LRIG1: variants seen among roughly 807,000 people sequenced by gnomAD.
The protein encoded by LRIG1 is leucine rich repeats and immunoglobulin like domains 1, also known as leucine-rich repeats and immunoglobulin-like domains protein 1.
In LRIG1, 48 loss-of-function variants were observed where a neutral mutation model predicts 99.2. The observed-to-expected ratio is 0.48, with a 90% CI of 0.38 to 0.62. LRIG1 has a LOEUF of 0.62. LRIG1 is among the 20% of genes least tolerant of loss of function. LRIG1 has a pLI of 0.00. For synonymous variants in LRIG1, 772 were observed against 596.1 expected (o/e 1.29, Z -4.30); for missense variants, 1,646 against 1,434.4 (o/e 1.15, Z -2.38).
chr3:66,425,703 C>T (rs1392830039), intron 3 of LRIG1, among the ~76,000 whole-genome samples: 3 of 152,060 alleles, frequency 2.0e-5, no homozygotes, highest in African/African-American at 7.3e-5. Flanking sequence ...TTATGGGGAC[C>T]GGGGGAAGTG....
chr3:66,420,644 G>A (rs1343827815), intron 3 of LRIG1, among the ~76,000 whole-genome samples: 1 of 152,250 alleles, frequency 6.6e-6, no homozygotes, highest in Non-Finnish European at 1.5e-5. Context: ...CTACTGAATG[G>A]ATGAGCATTG....
At position 66,439,594 on chromosome 3, in the gene LRIG1, C is replaced by G. The variant is rs185222619; in HGVS notation, c.365+11965G>C. Reference sequence around the variant, plus strand: ...TTTTTTTAAAAAGAGCCAAGTCTTACTTTTGAAGTTATAAAGAAAAAGGTG... The same window carrying G: ...TTTTTTTAAAAAGAGCCAAGTCTTAGTTTTGAAGTTATAAAGAAAAAGGTG... On this transcript the variant is annotated intron_variant, in intron 3 of 18. Transcript: ENST00000273261. Among the ~76,000 whole-genome samples, 401 of 151,222 alleles carry G rather than the reference C, an allele frequency of 2.7e-3. 1 individual carries two copies. Among genetic ancestry groups the G allele is most frequent in the Non-Finnish European group, 4.2e-3 (285 of 67,858 alleles).
At chr3:66,498,134 G>C (rs1040512611) in intron 1 of LRIG1, 1 of 152,132 alleles carries the variant, frequency 6.6e-6, no homozygotes, top group Non-Finnish European at 1.5e-5. Context: ...ATACTGTGTT[G>C]CTACATACTA....
At chr3:66,467,796 C>T (rs1700509211) in intron 1 of LRIG1, among the ~76,000 whole-genome samples, 1 of 152,152 alleles carries the variant, frequency 6.6e-6, no homozygotes, top group South Asian at 2.1e-4. Flanking sequence ...ACAAAATAAC[C>T]AACGAATATA....
At chr3:66,467,762 A>G (rs1700508430) in intron 1 of LRIG1, among the ~76,000 whole-genome samples, 2 of 152,262 alleles carry the variant, frequency 1.3e-5, no homozygotes, top group Admixed American at 6.5e-5. Flanking sequence ...TGAAATTTCT[A>G]TTAAACTGTG....
rs1170987032 is a variant in LRIG1 at position 66,379,491 on chromosome 3, T to TATCA, written c.*768_*771dup. The TATCA allele has an allele frequency of 6.6e-6, 1 of 152,192 alleles. No individual in the cohort carries two copies. The highest frequency in any genetic ancestry group is 2.4e-5 in the African/African-American group (1 of 41,464). 9.4% of individuals were successfully genotyped at this position (152,192 alleles called of 1,614,324 possible). A position where few individuals can be genotyped will look rare whatever the true frequency, so the allele number is the denominator to read the frequency against. The stretch of plus-strand genomic sequence containing the variant: ...ATACTGAGAAGGCCACATTTGCTTT[T>TATCA]ATCATAAAATAAGAGGAGGAGGAAA... On this transcript the variant is annotated 3_prime_UTR_variant, in exon 19 of 19. Coordinates refer to ENST00000273261, the MANE Select transcript of LRIG1 (RefSeq NM_015541.3).
intron 3 of LRIG1, among the ~76,000 whole-genome samples, chr3:66,446,562 C>T (rs1212951059): frequency 6.6e-6 from 1 of 152,022 alleles, no homozygotes; most frequent in Non-Finnish European, 1.5e-5. Flanking sequence ...CCTCCCACCA[C>T]TCCTGGCTGA....
At chr3:66,442,996 A>C (rs1048303068) in intron 3 of LRIG1, among the ~76,000 whole-genome samples, 2 of 152,132 alleles carry the variant, frequency 1.3e-5, no homozygotes, top group Admixed American at 6.5e-5. Context: ...AAAAGAGAGA[A>C]GGAAAATGAC....
chr3:66,498,797 C>G (rs989998898), intron 1 of LRIG1, among the ~76,000 whole-genome samples: 1 of 152,154 alleles, frequency 6.6e-6, no homozygotes, highest in African/African-American at 2.4e-5. Flanking sequence ...CTCTGTAGTA[C>G]TTGTTCATGG....
intron 9 of LRIG1, among the ~76,000 whole-genome samples, chr3:66,400,214 TC>T (rs958012864): frequency 6.6e-6 from 1 of 152,172 alleles, no homozygotes; most frequent in African/African-American, 2.4e-5. Flanking sequence ...AATGAGTGCC[TC>T]CTCCACCACA....
intron 1 of LRIG1, among the ~76,000 whole-genome samples, chr3:66,488,055 T>C (rs1435066556): frequency 6.6e-6 from 1 of 151,792 alleles, no homozygotes; most frequent in African/African-American, 2.4e-5. Flanking sequence ...TTTATGAAAA[T>C]TTACACGATA....
In LRIG1 at chr3:66,472,666, A is replaced by G. The variant is rs950798544; in HGVS notation, c.219-10157T>C. Among the ~76,000 whole-genome samples the G allele has an allele frequency of 6.7e-4, 102 of 152,344 alleles. 3 individuals are homozygous for G. The highest frequency in any genetic ancestry group is 2.2e-4 in the Non-Finnish European group (15 of 68,032). ...TGCCTTTCCGGCAGAAGGTACAACC[A>G]CGGATTTCACTGGGATAAAGTGATA... On this transcript the variant is annotated intron_variant, in intron 1 of 18. Coordinates refer to ENST00000273261, the MANE Select transcript of LRIG1 (RefSeq NM_015541.3).
chr3:66,460,915 G>A (rs1700341164), intron 2 of LRIG1, among the ~76,000 whole-genome samples: 1 of 152,312 alleles, frequency 6.6e-6, no homozygotes, highest in Middle Eastern at 3.4e-3. Context: ...CGCCAATCTG[G>A]AGAATCTGGA....
chr3:66,420,519 T>C (rs1469779427), intron 3 of LRIG1, among the ~76,000 whole-genome samples: 4 of 152,246 alleles, frequency 2.6e-5, no homozygotes, highest in Non-Finnish European at 4.4e-5. Context: ...CTCACATTCA[T>C]AGAAGCATCA....
At chr3:66,415,149 G>C in intron 4 of LRIG1, 86 bp from the exon 5 acceptor site, 2 of 1,390,696 alleles carry the variant, frequency 1.4e-6, no homozygotes, top group South Asian at 3.0e-5. Context: ...CTGGGTCTGA[G>C]TTGGGAAGAT....
intron 1 of LRIG1, 21 bp downstream of exon 1, chr3:66,500,169 G>A (rs1485677278): frequency 1.7e-5 from 25 of 1,507,144 alleles, no homozygotes; most frequent in Non-Finnish European, 2.2e-5. Context: ...GCGCAGAGAG[G>A]GCGGAAAGGG....
At chr3:66,457,387 A>G (rs1387476263) in intron 2 of LRIG1, among the ~76,000 whole-genome samples, 1 of 150,294 alleles carries the variant, frequency 6.7e-6, no homozygotes, top group African/African-American at 2.5e-5. Flanking sequence ...CTACTGTTCT[A>G]GGCAGCAGGG....
In LRIG1 at chr3:66,415,042, A is replaced by T. The variant is rs529074155; in HGVS notation, c.525T>A (p.Ile175=). 2.1e-5 allele frequency: 34 copies of T among 1,604,584 alleles called. No homozygotes were observed. In the South Asian group the frequency reaches 3.5e-4, roughly 16 times the overall value. ...CAAATGCTCCCAACTCCAGGGTGCC[A>T]ATCCGATTGCCTGCCAGGTTGCTGG... ...IKELNLAGNR[I]GTLELGAFDG... The change falls in exon 5 of 19, where the codon ATT becomes ATA. Residue 175 remains isoleucine (I), a synonymous_variant. Transcript: ENST00000273261.
rs1701369670 is a variant in LRIG1, at chr3:66,386,272, G to C, written c.1498C>G (p.Gln500Glu). The C allele has an allele frequency of 6.2e-7, 1 of 1,614,120 alleles. No homozygotes were observed. Among genetic ancestry groups the C allele is most frequent in the Non-Finnish European group, 8.5e-7 (1 of 1,179,996 alleles). The change falls in exon 13 of 19, where the codon CAG becomes GAG. Residue 500 changes from glutamine to glutamate, a missense_variant. Transcript: ENST00000273261. ...ACCATAGCCATGGTGGTTTCTGGCTGGGTGATGATCTGTGGCTTCAGGAAG... is the reference window on the plus strand; with the variant it reads ...ACCATAGCCATGGTGGTTTCTGGCTCGGTGATGATCTGTGGCTTCAGGAAG... ...DDFLKPQIIT[Q>E]PETTMAMVGK...
Sources: allele counts gnomAD v4.1 joint callset (sites outside exome capture counted in the v4.1 genomes callset), GRCh38; gene constraint gnomAD v4.1.1; transcripts MANE v1.5; gene names NCBI Gene and HGNC (gene_info 2026-07-23, HGNC 2026-07-21).